Variants in KAZN observed in about 807,000 individuals in gnomAD.
The protein encoded by KAZN is kazrin, periplakin interacting protein.
In KAZN, 40 loss-of-function variants were observed where a neutral mutation model predicts 87.4. That is an observed-to-expected ratio of 0.46 (90% confidence interval 0.36 to 0.60). The LOEUF (loss-of-function observed/expected upper bound fraction) is 0.60. Among genes scored for constraint, KAZN ranks in the 20% least tolerant of loss-of-function variants. The probability of loss-of-function intolerance (pLI) is 0.00; values close to 1 mark genes in which losing one functional copy is unlikely to be tolerated. For missense variants in KAZN, 898 were observed against 1,073.9 expected (o/e 0.84, Z 2.29); for synonymous variants, 466 against 458.3 (o/e 1.02, Z -0.22).
intron 1 of KAZN, among the ~76,000 whole-genome samples, chr1:14,624,266 C>G (rs908915428): frequency 6.6e-6 from 1 of 151,966 alleles, no homozygotes; most frequent in South Asian, 2.1e-4. Flanking sequence ...ACTAAAAATA[C>G]AAAAAATTAG....
intron 2 of KAZN, among the ~76,000 whole-genome samples, chr1:14,510,053 C>T (rs1450661877): frequency 6.6e-6 from 1 of 152,060 alleles, no homozygotes; most frequent in East Asian, 1.9e-4. Context: ...GTAGGTGGTG[C>T]CAGACATAGA....
intron 2 of KAZN, among the ~76,000 whole-genome samples, chr1:14,193,895 G>A (rs1175345593): frequency 6.6e-6 from 1 of 152,086 alleles, no homozygotes; most frequent in Non-Finnish European, 1.5e-5. Flanking sequence ...TGTTTTAACA[G>A]CATTTGCTGT....
intron 1 of KAZN, among the ~76,000 whole-genome samples, chr1:13,976,485 C>T (rs529177063): frequency 6.6e-6 from 1 of 151,590 alleles, no homozygotes; most frequent in South Asian, 2.1e-4. Context: ...AGTAAGAAAG[C>T]CATCATATTA....
intron 7 of KAZN, among the ~76,000 whole-genome samples, chr1:15,064,250 C>A (rs534240144): frequency 1.1e-4 from 16 of 152,154 alleles, no homozygotes; most frequent in Non-Finnish European, 2.1e-4. Context: ...GTCCTGGGCT[C>A]CCCACCTGTG....
intron 2 of KAZN, among the ~76,000 whole-genome samples, chr1:14,196,379 C>G (rs1395609579): frequency 6.6e-6 from 1 of 152,286 alleles, no homozygotes; most frequent in Non-Finnish European, 1.5e-5. Flanking sequence ...TATTAGGAGA[C>G]AGTAACCCAG....
intron 2 of KAZN, among the ~76,000 whole-genome samples, chr1:14,367,707 G>A (rs1311294915): frequency 6.6e-6 from 1 of 152,064 alleles, no homozygotes; most frequent in East Asian, 1.9e-4. Context: ...ATCAAAAGCT[G>A]AGCCCTAGAC....
intron 2 of KAZN, among the ~76,000 whole-genome samples, chr1:15,026,492 A>G (rs975024863): frequency 3.9e-5 from 6 of 152,162 alleles, no homozygotes; most frequent in African/African-American, 7.2e-5. Flanking sequence ...ATGCTGGGGG[A>G]AAACCGAGGC....
chr1:14,472,213 A>T (rs1028068749), intron 2 of KAZN, among the ~76,000 whole-genome samples: 1 of 152,150 alleles, frequency 6.6e-6, no homozygotes, highest in Admixed American at 6.5e-5. Context: ...CTACGGACAC[A>T]TTGTAGATTA....
Position 14,564,629 on chromosome 1 carries a change from C to A in KAZN, c.250-34354C>A, listed in dbSNP as rs554908118. On this transcript the variant is annotated intron_variant, in intron 2 of 16. Transcript: ENST00000636203. ...GACCAGCCTGGCCAAGATGGTGAAA[C>A]CCTGTCTCTACTAAAAATACAAAAA... 6.1e-5 allele frequency among the ~76,000 whole-genome samples: 9 copies of A among 146,358 alleles called. No individual in the cohort carries two copies. The East Asian group carries it at 1.8e-3, about 30-fold the overall frequency.
intron 1 of KAZN, among the ~76,000 whole-genome samples, chr1:14,883,346 G>GAA (rs1469290207): frequency 3.1e-5 from 1 of 32,490 alleles, no homozygotes; most frequent in African/African-American, 9.5e-5. Context: ...GAGAGAGAAA[G>GAA]AAAGAAAGAA....
chr1:14,314,898 T>C lies in KAZN; in HGVS notation c.249+134306T>C, dbSNP rs76248399. Among the ~76,000 whole-genome samples, 1,631 of 152,214 alleles carry C rather than the reference T, an allele frequency of 0.011. 138 individuals are homozygous for C. In the East Asian group the frequency reaches 0.23, roughly 21 times the overall value. ...TGTGTATCTATAAATTTATCAGTTA[T>C]GGGTGTTTTATATAAGTGGAATCAT... On this transcript the variant is annotated intron_variant, in intron 2 of 16. Transcript: ENST00000636203.
chr1:14,827,397 C>T (rs1646924021), intron 1 of KAZN, among the ~76,000 whole-genome samples: 1 of 152,178 alleles, frequency 6.6e-6, no homozygotes, highest in Non-Finnish European at 1.5e-5. Flanking sequence ...AGCCTTTTAT[C>T]CCTCACCTGC....
At chr1:14,302,326 C>T (rs1333312981) in intron 2 of KAZN, among the ~76,000 whole-genome samples, 1 of 152,168 alleles carries the variant, frequency 6.6e-6, no homozygotes, top group African/African-American at 2.4e-5. Flanking sequence ...AATGTGGAAG[C>T]AGGTATAGCC....
intron 2 of KAZN, among the ~76,000 whole-genome samples, chr1:14,250,387 A>C (rs1649912654): frequency 6.6e-6 from 1 of 152,010 alleles, no homozygotes; most frequent in Non-Finnish European, 1.5e-5. Context: ...TCTAAGACAC[A>C]TATATATGAG....
chr1:14,276,831 A>G (rs1652396147), intron 2 of KAZN, among the ~76,000 whole-genome samples: 1 of 152,222 alleles, frequency 6.6e-6, no homozygotes, highest in Non-Finnish European at 1.5e-5. Context: ...CCCATAACAT[A>G]CATTAATAAT....
chr1:15,115,350 A>G lies in KAZN; in HGVS notation c.*715A>G, dbSNP rs1641807438. ...AATGATCCGTGCAGGAGTGGGGCTTAGCAGCCACATTTCTAGGAGATGCAG... is the reference window on the plus strand; with the variant it reads ...AATGATCCGTGCAGGAGTGGGGCTTGGCAGCCACATTTCTAGGAGATGCAG... On this transcript the variant is annotated 3_prime_UTR_variant, in exon 15 of 15. Coordinates refer to ENST00000376030, the MANE Select transcript of KAZN (RefSeq NM_201628.3). The surrounding 1 kb of genome is among the most constrained non-coding windows in gnomAD (Gnocchi z 4.1). 6.6e-6 allele frequency: 1 copy of G among 152,260 alleles called. No homozygotes were observed. The highest frequency in any genetic ancestry group is 2.4e-5 in the African/African-American group (1 of 41,470). 9.4% of individuals were successfully genotyped at this position (152,260 alleles called of 1,614,324 possible). A position where few individuals can be genotyped will look rare whatever the true frequency, so the allele number is the denominator to read the frequency against.
chr1:14,662,964 CAT>C (rs141562526), intron 1 of KAZN, among the ~76,000 whole-genome samples: 3,544 of 127,884 alleles, frequency 0.028, 54 homozygotes, highest in Middle Eastern at 0.043. Flanking sequence ...TATATGCACA[CAT>C]ATATATATAT....
intron 1 of KAZN, among the ~76,000 whole-genome samples, chr1:14,898,770 G>C (rs1655537976): frequency 6.6e-6 from 1 of 152,142 alleles, no homozygotes; most frequent in South Asian, 2.1e-4. Flanking sequence ...CTCTAAGAGG[G>C]CGGGACTTAT....
intron 1 of KAZN, among the ~76,000 whole-genome samples, chr1:14,748,421 A>C (rs1375222456): frequency 6.6e-6 from 1 of 152,008 alleles, no homozygotes; most frequent in Non-Finnish European, 1.5e-5. Context: ...TAGTTTTGTG[A>C]TTTGGGGCAA....
Sources: gnomAD v4.1 joint callset for allele counts (sites outside exome capture counted in the v4.1 genomes callset) on GRCh38, gnomAD v4.1.1 for gene constraint, Gnocchi (gnomAD v3.1) non-coding constraint, MANE v1.5 for transcripts, NCBI Gene and HGNC (gene_info 2026-07-23, HGNC 2026-07-21) for gene names.